Variants in NPHP4 observed in about 807,000 individuals in gnomAD.
The protein encoded by NPHP4 is nephrocystin-4.
Under a neutral mutation model 155.8 loss-of-function variants are expected in NPHP4, and 151 were observed. The observed-to-expected ratio is 0.97, with a 90% CI of 0.85 to 1.11. NPHP4 has a LOEUF of 1.11. Among genes scored for constraint, NPHP4 ranks in the 50% least tolerant of loss-of-function variants. The pLI, the probability that NPHP4 is intolerant of heterozygous loss-of-function variation, is 0.00. For missense variants in NPHP4, 1,956 were observed against 1,925.7 expected, an observed-to-expected ratio of 1.02 and a Z score of -0.29; for synonymous variants, 845 against 816.8, an observed-to-expected ratio of 1.03 and a Z score of -0.59.
At position 5,907,094 on chromosome 1, in the gene NPHP4, C is replaced by T. The variant is rs551613944; in HGVS notation, c.1611+21G>A. ...AGCCATTCCTTGGTGGAAGGCAAGG[C>T]GGCAGGTGGGCGGCACTTACTGCCT... On this transcript the variant is annotated intron_variant, in intron 13 of 29. Transcript: ENST00000378156. 3.8e-5 allele frequency: 52 copies of T among 1,377,902 alleles called. 1 individual carries two copies. The African/African-American group carries it at 4.9e-4, about 13-fold the overall frequency. The allele number at this position is 1,377,902 out of a possible 1,614,324, so 85.4% of individuals were successfully genotyped here.
rs1645151589 is a variant in NPHP4 at position 5,910,951 on chromosome 1, A to C, written c.1442-1738T>G. Among the ~76,000 whole-genome samples, 1 of 152,334 alleles carries C rather than the reference A, an allele frequency of 6.6e-6. No individual in the cohort carries two copies. The highest frequency in any genetic ancestry group is 1.5e-5 in the Non-Finnish European group (1 of 68,020). Reference sequence around the variant, plus strand: ...GCCCAGCCTGGCGGGCACAGCTCCCAGTCCAACTACCTCCTGGGCAGCGCC... The same window carrying C: ...GCCCAGCCTGGCGGGCACAGCTCCCCGTCCAACTACCTCCTGGGCAGCGCC... On this transcript the variant is annotated intron_variant, in intron 11 of 29. Coordinates refer to ENST00000378156, the MANE Select transcript of NPHP4 (RefSeq NM_015102.5). This position sits in a 1 kb window ranked among gnomAD's most constrained non-coding sequence, Gnocchi z 5.4.
intron 3 of NPHP4, among the ~76,000 whole-genome samples, chr1:5,969,583 C>T (rs1256237710): frequency 1.3e-5 from 2 of 152,200 alleles, no homozygotes; most frequent in African/African-American, 4.8e-5. Flanking sequence ...AGATCCCAGG[C>T]CCACTAGAGC....
chr1:5,874,787 G>A, intron 21 of NPHP4, 87 bp downstream of exon 21: 3 of 1,529,454 alleles, frequency 2.0e-6, no homozygotes, highest in Non-Finnish European at 2.7e-6. Context: ...CGGCTCTCGG[G>A]CAGAATTCGA....
intron 2 of NPHP4, among the ~76,000 whole-genome samples, chr1:5,985,343 G>GGCAGCAGCACAGAA (rs1655315993): frequency 6.6e-6 from 1 of 152,244 alleles, no homozygotes; most frequent in Non-Finnish European, 1.5e-5. Flanking sequence ...GTGTCCCGTG[G>GGCAGCAGCACAGAA]GCAGCAGCAC....
chr1:5,864,274 G>A (rs1640955742), intron 28 of NPHP4, 64 bp downstream of exon 28: 1 of 1,459,680 alleles, frequency 6.9e-7, no homozygotes, highest in Non-Finnish European at 9.3e-7. Context: ...CCGAGGTGGG[G>A]GTCCTGCAGT....
intron 2 of NPHP4, among the ~76,000 whole-genome samples, chr1:5,980,910 C>G (rs1654573461): frequency 6.6e-6 from 1 of 151,868 alleles, no homozygotes; most frequent in African/African-American, 2.4e-5. Flanking sequence ...CTCCCTCTTC[C>G]CCTCAGTCTC....
chr1:5,895,521 CA>C (rs1644351965), intron 16 of NPHP4, among the ~76,000 whole-genome samples: 1 of 152,028 alleles, frequency 6.6e-6, no homozygotes, highest in African/African-American at 2.4e-5. Flanking sequence ...AAACAAAACA[CA>C]ACAAAAAAAC....
rs563988742 is a variant in NPHP4, at chr1:5,869,067, A to G, written c.3316-1171T>C. Among the ~76,000 whole-genome samples, 4 of 140,446 alleles carry G rather than the reference A, an allele frequency of 2.8e-5. 1 individual carries two copies. In the South Asian group the frequency reaches 7.2e-4, roughly 25 times the overall value. The allele number at this position is 140,446 out of a possible 152,430, so 92.1% of individuals were successfully genotyped here. On this transcript the variant is annotated intron_variant, in intron 23 of 29. Transcript: ENST00000378156. ...CATGCCCCCACACGCACACACATGCATGCCCACATGCATGCACCCACACAT... is the reference window on the plus strand; with the variant it reads ...CATGCCCCCACACGCACACACATGCGTGCCCACATGCATGCACCCACACAT...
At chr1:5,977,708 T>G (rs11120937) in intron 3 of NPHP4, among the ~76,000 whole-genome samples, 4 of 148,726 alleles carry the variant, frequency 2.7e-5, no homozygotes, top group Non-Finnish European at 5.9e-5. Context: ...ACCACCTGAG[T>G]GAAAACACGC....
intron 9 of NPHP4, among the ~76,000 whole-genome samples, chr1:5,935,240 T>A (rs905135448): frequency 1.3e-5 from 2 of 152,162 alleles, no homozygotes; most frequent in Non-Finnish European, 2.9e-5. Context: ...CCCATCACAA[T>A]CGGACTTCAA....
chr1:5,976,857 C>A (rs1653681115), intron 3 of NPHP4, among the ~76,000 whole-genome samples: 1 of 152,116 alleles, frequency 6.6e-6, no homozygotes, highest in Non-Finnish European at 1.5e-5. Context: ...GCTCGTGGCC[C>A]TAGGTGGGGG....
intron 16 of NPHP4, among the ~76,000 whole-genome samples, chr1:5,891,349 T>C (rs1448393176): frequency 6.6e-6 from 1 of 152,218 alleles, no homozygotes; most frequent in South Asian, 2.1e-4. Context: ...TTTATTATTC[T>C]GGGCGTGTAG....
chr1:5,865,345 G>C (rs988456862), intron 26 of NPHP4, 72 bp from the exon 27 acceptor site: 1 of 1,345,616 alleles, frequency 7.4e-7, no homozygotes, highest in African/African-American at 1.5e-5. Context: ...GCCAACAAGG[G>C]CTGCCAGGAG....
At chr1:5,949,119 A>C (rs186624897) in intron 7 of NPHP4, among the ~76,000 whole-genome samples, 41 of 152,260 alleles carry the variant, frequency 2.7e-4, no homozygotes, top group Admixed American at 2.7e-3. Context: ...CAATAAAGTG[A>C]TTTTTATGGG....
intron 3 of NPHP4, among the ~76,000 whole-genome samples, chr1:5,970,826 AAC>A (rs1053612622): frequency 2.0e-5 from 3 of 152,076 alleles, no homozygotes; most frequent in Non-Finnish European, 4.4e-5. Flanking sequence ...AGCCCAGGAT[AAC>A]AGAGAGATGC....
chr1:5,977,130 C>T (rs76257192), intron 3 of NPHP4, among the ~76,000 whole-genome samples: 2 of 152,152 alleles, frequency 1.3e-5, no homozygotes, highest in African/African-American at 2.4e-5. Context: ...AAACTCCCCC[C>T]ACTCGAGTTC....
At chr1:5,900,627 T>C (rs376531924) in intron 16 of NPHP4, among the ~76,000 whole-genome samples, 1 of 152,200 alleles carries the variant, frequency 6.6e-6, no homozygotes. Flanking sequence ...GGTGGATCCA[T>C]GATGTCATGT....
chr1:5,922,623 G>T (rs925153643), intron 11 of NPHP4, among the ~76,000 whole-genome samples: 1 of 152,098 alleles, frequency 6.6e-6, no homozygotes, highest in African/African-American at 2.4e-5. Flanking sequence ...GAGTTCAAGA[G>T]CAGCCTGTAC....
At chr1:5,884,262 G>A (rs935601934) in intron 18 of NPHP4, among the ~76,000 whole-genome samples, 4 of 152,072 alleles carry the variant, frequency 2.6e-5, no homozygotes, top group African/African-American at 7.2e-5. Flanking sequence ...GCCCGCCACC[G>A]CCAACCGTGT....
Sources: gnomAD v4.1 joint callset for allele counts (sites outside exome capture counted in the v4.1 genomes callset) on GRCh38, gnomAD v4.1.1 for gene constraint, Gnocchi (gnomAD v3.1) non-coding constraint, MANE v1.5 for transcripts, NCBI Gene and HGNC (gene_info 2026-07-23, HGNC 2026-07-21) for gene names.